TBL1XR1: variants seen among roughly 807,000 people sequenced by gnomAD.
TBL1XR1 encodes the protein F-box-like/WD repeat-containing protein TBL1XR1.
TBL1XR1 carries 5 observed loss-of-function variants against 66.9 expected under a neutral mutation model. The ratio of observed to expected loss-of-function variants is 0.07; its 90% CI spans 0.04 to 0.16. The LOEUF is 0.16. Among genes scored for constraint, TBL1XR1 ranks in the 10% least tolerant of loss-of-function variants. The pLI, the probability that TBL1XR1 is intolerant of heterozygous loss-of-function variation, is 1.00. For synonymous variants in TBL1XR1, 210 were observed against 206.0 expected, an observed-to-expected ratio of 1.02 and a Z score of -0.17; for missense variants, 238 against 623.2, an observed-to-expected ratio of 0.38 and a Z score of 6.58.
chr3:177,168,114 A>T (rs1733039419), intron 1 of TBL1XR1, among the ~76,000 whole-genome samples: 1 of 152,172 alleles, frequency 6.6e-6, no homozygotes, highest in East Asian at 1.9e-4. Flanking sequence ...AACAATATAC[A>T]TTAGGCCATG....
Position 177,071,276 on chromosome 3 carries a change from C to G in TBL1XR1, c.-45-6254G>C, listed in dbSNP as rs115257536. ...AACACATGCTAAAGCTTTACAAGGA[C>G]AGTTAATCACCTGAATAGATAGGAA... On this transcript the variant is annotated intron_variant, in intron 2 of 15. Coordinates refer to ENST00000457928, the MANE Select transcript of TBL1XR1 (RefSeq NM_024665.7). 2.9e-3 allele frequency among the ~76,000 whole-genome samples: 437 copies of G among 152,092 alleles called. 2 individuals are homozygous for G. Among genetic ancestry groups the G allele is most frequent in the African/African-American group, 9.8e-3 (406 of 41,476 alleles).
At chr3:177,081,639 G>T (rs141323729) in intron 2 of TBL1XR1, among the ~76,000 whole-genome samples, 200 of 151,874 alleles carry the variant, frequency 1.3e-3, no homozygotes, top group African/African-American at 4.7e-3. Flanking sequence ...TCAGGAGGGT[G>T]GGGTGGGAGG....
chr3:177,146,779 CTTTG>C (rs1730310970), intron 1 of TBL1XR1, among the ~76,000 whole-genome samples: 2 of 151,914 alleles, frequency 1.3e-5, no homozygotes, highest in African/African-American at 4.8e-5. Context: ...TAAAAGCTCA[CTTTG>C]TTTGAGAAAA....
intron 1 of TBL1XR1, among the ~76,000 whole-genome samples, chr3:177,141,850 C>T (rs984833339): frequency 9.2e-5 from 14 of 152,320 alleles, no homozygotes; most frequent in South Asian, 4.1e-4. Context: ...TCTATATATA[C>T]AGTGAAACAT....
At chr3:177,037,048 A>C (rs1293927964) in intron 12 of TBL1XR1, among the ~76,000 whole-genome samples, 1 of 152,184 alleles carries the variant, frequency 6.6e-6, no homozygotes, top group Non-Finnish European at 1.5e-5. Context: ...ATACAACAAG[A>C]AAAACAGAGA....
chr3:177,200,206 A>C (rs1577476531), upstream of TBL1XR1, among the ~76,000 whole-genome samples: 1 of 152,144 alleles, frequency 6.6e-6, no homozygotes. Flanking sequence ...TCCCGACCTC[A>C]AGTCATCTGC....
chr3:177,182,842 CAATAT>C (rs1734991641), intron 1 of TBL1XR1, among the ~76,000 whole-genome samples: 1 of 152,042 alleles, frequency 6.6e-6, no homozygotes, highest in Admixed American at 6.6e-5. Flanking sequence ...TTTTTTAAAA[CAATAT>C]AATTATCCAA....
chr3:177,061,476 AC>A (rs1426635311), intron 3 of TBL1XR1, among the ~76,000 whole-genome samples: 3 of 152,238 alleles, frequency 2.0e-5, no homozygotes, highest in Non-Finnish European at 4.4e-5. Flanking sequence ...AAACATAAAA[AC>A]TTTCATAATG....
intron 14 of TBL1XR1, chr3:177,027,617 T>C (rs972198310): frequency 2.0e-5 from 3 of 151,634 alleles, no homozygotes; most frequent in Non-Finnish European, 4.4e-5. Flanking sequence ...CAGATCTACT[T>C]AAAAGCACAT....
In TBL1XR1 at chr3:177,082,738, T is replaced by TTTTATATATATATATATATATATATA. The variant is rs1450061640; in HGVS notation, c.-46+15727_-46+15728insTATATATATATATATATATATATAAA. ...TATTACTAAATTTCTAAGATAGAGATTATATATATATATATATATATATAT... is the reference window on the plus strand; with the variant it reads ...TATTACTAAATTTCTAAGATAGAGATTTTATATATATATATATATATATATATATATATATATATATATATATATAT... On this transcript the variant is annotated intron_variant, in intron 2 of 15. Transcript: ENST00000457928. 7.3e-3 allele frequency among the ~76,000 whole-genome samples: 463 copies of TTTTATATATATATATATATATATATA among 63,192 alleles called. 61 individuals are homozygous for TTTTATATATATATATATATATATATA. Among genetic ancestry groups the TTTTATATATATATATATATATATATA allele is most frequent in the East Asian group, 9.0e-3 (18 of 2,004 alleles). 41.5% of individuals were successfully genotyped at this position (63,192 alleles called of 152,430 possible). A position where few individuals can be genotyped will look rare whatever the true frequency, so the allele number is the denominator to read the frequency against.
intron 1 of TBL1XR1, among the ~76,000 whole-genome samples, chr3:177,180,191 C>G (rs1408287307): frequency 7.5e-6 from 1 of 133,892 alleles, no homozygotes; most frequent in African/African-American, 2.8e-5. Flanking sequence ...GAGCTGAGAT[C>G]GTGTCACTGC....
chr3:177,112,096 T>TAC (rs1560188601), intron 1 of TBL1XR1, among the ~76,000 whole-genome samples: 40 of 51,320 alleles, frequency 7.8e-4, no homozygotes, highest in African/African-American at 4.7e-3. Flanking sequence ...TATATATATA[T>TAC]ATATATATAT....
At chr3:177,159,349 GTA>G (rs1226324209) in intron 1 of TBL1XR1, among the ~76,000 whole-genome samples, 1 of 152,074 alleles carries the variant, frequency 6.6e-6, no homozygotes, top group African/African-American at 2.4e-5. Flanking sequence ...CACAACTGGA[GTA>G]TACATTTTAT....
intron 1 of TBL1XR1, among the ~76,000 whole-genome samples, chr3:177,191,234 C>T (rs1479665397): frequency 2.0e-5 from 3 of 152,164 alleles, no homozygotes; most frequent in Non-Finnish European, 4.4e-5. Flanking sequence ...GGTTCTCCAG[C>T]AGGGGAACTG....
intron 1 of TBL1XR1, among the ~76,000 whole-genome samples, chr3:177,174,394 G>GC (rs1733917370): frequency 2.3e-5 from 3 of 128,242 alleles, no homozygotes; most frequent in African/African-American, 9.1e-5. Flanking sequence ...GGGTGACAGA[G>GC]CGAGACTCCA....
chr3:177,081,620 C>CCTAA (rs1258515029), intron 2 of TBL1XR1, among the ~76,000 whole-genome samples: 2 of 151,972 alleles, frequency 1.3e-5, no homozygotes, highest in African/African-American at 4.8e-5. Context: ...TGCCTGTAGT[C>CCTAA]CTAACTACTC....
At chr3:177,042,508 G>C (rs182179676) in intron 10 of TBL1XR1, among the ~76,000 whole-genome samples, 104 of 152,302 alleles carry the variant, frequency 6.8e-4, no homozygotes, top group Non-Finnish European at 1.2e-3. Flanking sequence ...CGTAGGTTGT[G>C]TGATTAACGC....
intron 1 of TBL1XR1, among the ~76,000 whole-genome samples, chr3:177,128,272 A>G (rs1232642300): frequency 6.6e-6 from 1 of 152,236 alleles, no homozygotes; most frequent in Non-Finnish European, 1.5e-5. Context: ...AATTTAAAAC[A>G]TTAGAACCGA....
intron 1 of TBL1XR1, among the ~76,000 whole-genome samples, chr3:177,169,249 A>G (rs1733182346): frequency 6.6e-6 from 1 of 152,242 alleles, no homozygotes; most frequent in Non-Finnish European, 1.5e-5. Flanking sequence ...TCTAGAATTT[A>G]TACCTTTTGT....
Sources: gnomAD v4.1 joint callset for allele counts (sites outside exome capture counted in the v4.1 genomes callset) on GRCh38, gnomAD v4.1.1 for gene constraint, MANE v1.5 for transcripts, NCBI Gene and HGNC (gene_info 2026-07-23, HGNC 2026-07-21) for gene names.